Variants in ANOS1 observed in about 807,000 individuals in gnomAD.
ANOS1 encodes the protein anosmin 1.
A neutral mutation model predicts 59.0 loss-of-function variants in ANOS1; 6 were observed. That is an observed-to-expected ratio of 0.10 (90% CI 0.06 to 0.20). The LOEUF is 0.20. ANOS1 is among the 10% of genes least tolerant of loss of function. ANOS1 has a pLI of 1.00. For missense variants in ANOS1, 433 were observed against 542.3 expected, an observed-to-expected ratio of 0.80 and a Z score of 2.00; for synonymous variants, 217 against 223.4, an observed-to-expected ratio of 0.97 and a Z score of 0.25.
chrX:8,561,094 C>T (rs1930023517), intron 8 of ANOS1, among the ~76,000 whole-genome samples: 2 of 111,840 alleles, frequency 1.8e-5, no homozygotes, highest in South Asian at 3.7e-4. Context: ...AAGACAAGAT[C>T]AGTCAAGGAA....
chrX:8,626,111 CAAAAAAAA>C (rs138234272), intron 2 of ANOS1, among the ~76,000 whole-genome samples: 2 of 24,520 alleles, frequency 8.2e-5, no homozygotes, highest in South Asian at 4.2e-3. Flanking sequence ...GACTCTGTCT[CAAAAAAAA>C]AAAAAAAAAA....
intron 13 of ANOS1, 80 bp downstream of exon 13, chrX:8,534,239 T>C (rs1424654067): frequency 9.8e-7 from 1 of 1,021,621 alleles, no homozygotes; most frequent in African/African-American, 1.9e-5. Flanking sequence ...TGTATTTATT[T>C]GTTTTCATTT....
At chrX:8,720,072 C>T (rs1025058860) in intron 1 of ANOS1, among the ~76,000 whole-genome samples, 1 of 111,546 alleles carries the variant, frequency 9.0e-6, no homozygotes, top group African/African-American at 3.3e-5. Flanking sequence ...TCCTCATTGC[C>T]TAACTTTTAT....
intron 3 of ANOS1, among the ~76,000 whole-genome samples, chrX:8,619,070 C>CAAAAAAAAAAAAAAAAAAAAAAA (rs1164164251): frequency 1.4e-4 from 6 of 43,976 alleles, no homozygotes; most frequent in African/African-American, 2.5e-4. Flanking sequence ...AAACCTCTCT[C>CAAAAAAAAAAAAAAAAAAAAAAA]AAAAAAAAAA....
At chrX:8,578,858 T>A (rs1287258004) in intron 6 of ANOS1, among the ~76,000 whole-genome samples, 1 of 111,954 alleles carries the variant, frequency 8.9e-6, no homozygotes, top group Non-Finnish European at 1.9e-5. Flanking sequence ...TCAAAAAAAA[T>A]GAATTTGGAT....
At chrX:8,722,349 C>T (rs1932880560) in intron 1 of ANOS1, among the ~76,000 whole-genome samples, 1 of 111,027 alleles carries the variant, frequency 9.0e-6, no homozygotes, top group African/African-American at 3.3e-5. Flanking sequence ...TTATCACTCA[C>T]CCCCTTCCCA....
chrX:8,544,744 C>T (rs1024065699), intron 9 of ANOS1, among the ~76,000 whole-genome samples: 16 of 109,833 alleles, frequency 1.5e-4, no homozygotes, highest in Non-Finnish European at 2.8e-4. Context: ...AGCAAGACCG[C>T]ATCTCTACAA....
In ANOS1 at chrX:8,716,058, G is replaced by C. The variant is rs769418951; in HGVS notation, c.207+15772C>G. Among the ~76,000 whole-genome samples the C allele has an allele frequency of 6.3e-5, 7 of 111,468 alleles. No homozygotes were observed. In the East Asian group the frequency reaches 2.0e-3, roughly 31 times the overall value. ...ACCACCGTCAAAATGGAGGCAAAGGGCAGTCGACGGTCTGAGAGAGAGGGC... is the reference window on the plus strand; with the variant it reads ...ACCACCGTCAAAATGGAGGCAAAGGCCAGTCGACGGTCTGAGAGAGAGGGC... On this transcript the variant is annotated intron_variant, in intron 1 of 13. Transcript: ENST00000262648.
chrX:8,659,538 T>C lies in ANOS1; in HGVS notation c.256-35868A>G, dbSNP rs867688935. ...GCTTGCTTTTCTTTCTTTCTTTCTC[T>C]TTCCTTCCTTCCTTCCTTCCTTCCT... On this transcript the variant is annotated intron_variant, in intron 2 of 13. Coordinates refer to ENST00000262648, the MANE Select transcript of ANOS1 (RefSeq NM_000216.4). Among the ~76,000 whole-genome samples, 420 of 94,837 alleles carry C rather than the reference T, an allele frequency of 4.4e-3. 1 individual carries two copies. Among genetic ancestry groups the C allele is most frequent in the African/African-American group, 0.018 (408 of 22,340 alleles). 82.4% of individuals were successfully genotyped at this position (94,837 alleles called of 115,157 possible). A position where few individuals can be genotyped will look rare whatever the true frequency, so the allele number is the denominator to read the frequency against.
chrX:8,659,108 T>C lies in ANOS1; in HGVS notation c.256-35438A>G, dbSNP rs768328063. On this transcript the variant is annotated intron_variant, in intron 2 of 13. Transcript: ENST00000262648. Reference sequence around the variant, plus strand: ...CGGGTGTGGTGGTGTGTGCCTGTAATCCCAGCTACTCAGGAGGATGAGGCA... The same window carrying C: ...CGGGTGTGGTGGTGTGTGCCTGTAACCCCAGCTACTCAGGAGGATGAGGCA... Among the ~76,000 whole-genome samples the C allele has an allele frequency of 2.2e-4, 24 of 110,546 alleles. No individual in the cohort carries two copies. The South Asian group carries it at 9.4e-3, about 43-fold the overall frequency.
At chrX:8,728,374 T>C (rs1465619523) in intron 1 of ANOS1, among the ~76,000 whole-genome samples, 2 of 112,051 alleles carry the variant, frequency 1.8e-5, no homozygotes, top group Non-Finnish European at 3.8e-5. Flanking sequence ...TACCATCACC[T>C]GCATCACCCC....
intron 6 of ANOS1, among the ~76,000 whole-genome samples, chrX:8,577,308 C>G (rs1930346080): frequency 8.9e-6 from 1 of 111,816 alleles, no homozygotes; most frequent in Non-Finnish European, 1.9e-5. Context: ...GTTTGATTTA[C>G]TACCTCTTCA....
At chrX:8,567,549 T>C (rs1930138386) in intron 8 of ANOS1, among the ~76,000 whole-genome samples, 1 of 111,999 alleles carries the variant, frequency 8.9e-6, no homozygotes, top group African/African-American at 3.2e-5. Context: ...ATCCCAGCAC[T>C]TTGGGAGGCC....
chrX:8,695,219 C>T (rs1932666553), intron 2 of ANOS1, among the ~76,000 whole-genome samples: 1 of 111,702 alleles, frequency 9.0e-6, no homozygotes, highest in Non-Finnish European at 1.9e-5. Flanking sequence ...GGCTGAGGCA[C>T]AAGAACTGCT....
intron 8 of ANOS1, 81 bp downstream of exon 8, chrX:8,568,151 A>T: frequency 9.9e-7 from 1 of 1,008,549 alleles, no homozygotes; most frequent in Non-Finnish European, 1.4e-6. Context: ...TCAAAAACTC[A>T]CTCTCCCTCC....
chrX:8,568,463 A>G, intron 7 of ANOS1, 87 bp from the exon 8 acceptor site: 2 of 873,541 alleles, frequency 2.3e-6, no homozygotes. Context: ...GTCATTATGA[A>G]GCATGCCAAC....
intron 1 of ANOS1, among the ~76,000 whole-genome samples, chrX:8,718,785 G>C (rs1226510963): frequency 9.0e-6 from 1 of 111,613 alleles, no homozygotes; most frequent in Non-Finnish European, 1.9e-5. Flanking sequence ...GCACAATTAC[G>C]CCTCTAGGTG....
At chrX:8,714,432 A>G (rs950735596) in intron 1 of ANOS1, among the ~76,000 whole-genome samples, 1 of 111,581 alleles carries the variant, frequency 9.0e-6, no homozygotes, top group African/African-American at 3.3e-5. Flanking sequence ...CATTAAGAGT[A>G]GGTGGAGAGG....
chrX:8,680,775 T>C (rs1170440338), intron 2 of ANOS1, among the ~76,000 whole-genome samples: 1 of 111,570 alleles, frequency 9.0e-6, no homozygotes, highest in Non-Finnish European at 1.9e-5. Context: ...ACAGATTCCC[T>C]AGTTAAGAGT....
Sources: allele counts gnomAD v4.1 joint callset (sites outside exome capture counted in the v4.1 genomes callset), GRCh38; gene constraint gnomAD v4.1.1; transcripts MANE v1.5; gene names NCBI Gene and HGNC (gene_info 2026-07-23, HGNC 2026-07-21).